The following PKD1 variants were observed in gnomAD, a reference collection of about 807,000 sequenced individuals.
PKD1 encodes polycystin 1, transient receptor potential channel interacting, also known as polycystin-1.
PKD1 carries 81 observed loss-of-function variants against 361.7 expected under a neutral mutation model. That is an observed-to-expected ratio of 0.22 (90% CI 0.19 to 0.27). PKD1 has a LOEUF of 0.27. PKD1 is among the 10% of genes least tolerant of loss of function. The pLI is 1.00. For missense variants in PKD1, 6,399 were observed against 6,118.3 expected (o/e 1.05, Z -1.53); for synonymous variants, 3,615 against 2,818.3 (o/e 1.28, Z -8.95).
In PKD1 at chr16:2,116,879, G is replaced by A; in HGVS notation, c.1560C>T (p.Asp520=). ...CGTAGCTGTGCGGCGCTGAGCACAG[G>A]TCGGTGTTACACCACCCGGTGGGCC... ...RLGPTGWCNT[D]LCSAPHSYVC... is the part of the protein sequence containing the mutation. The change falls in exon 7 of 46, where the codon GAC becomes GAT. Residue 520 remains aspartate (D), a synonymous_variant. Coordinates refer to ENST00000262304, the MANE Select transcript of PKD1 (RefSeq NM_001009944.3). 2.0e-6 allele frequency: 3 copies of A among 1,533,130 alleles called. No individual in the cohort carries two copies. The highest frequency in any genetic ancestry group is 1.7e-6 in the Non-Finnish European group (2 of 1,144,126). The allele number at this position is 1,533,130 out of a possible 1,614,324, so 95.0% of individuals were successfully genotyped here. A position where few individuals can be genotyped will look rare whatever the true frequency, so the allele number is the denominator to read the frequency against.
intron 34 of PKD1, 121 bp from the exon 35 acceptor site, chr16:2,094,331 A>C: frequency 1.4e-6 from 1 of 718,848 alleles, no homozygotes; most frequent in Non-Finnish European, 2.5e-6. Flanking sequence ...CCCCCGACAA[A>C]AAGCCGGAAG....
In PKD1 at chr16:2,105,987, C is replaced by T. The variant is rs773620699; in HGVS notation, c.7741G>A (p.Ala2581Thr). ...AITLPEPNGSATGLTVWLHGL... is the reference protein window; with the variant it reads ...AITLPEPNGSTTGLTVWLHGL... ...TGCAGCCAGACTGTGAGCCCCGTTG[C>T]GCTGCCGTTGGGCTCTGGGAGGGTG... The change falls in exon 20 of 46, where the codon GCA becomes ACA. Residue 2581 changes from alanine (A) to threonine (T), a missense_variant. By Grantham distance (58) the Ala-to-Thr change is moderately conservative. Transcript: ENST00000262304. 8.7e-6 allele frequency: 14 copies of T among 1,603,224 alleles called. No homozygotes were observed. Among genetic ancestry groups the T allele is most frequent in the Middle Eastern group, 2.2e-4 (1 of 4,450 alleles).
intron 1 of PKD1, among the ~76,000 whole-genome samples, chr16:2,128,853 C>G (rs1451534504): frequency 6.6e-6 from 1 of 151,960 alleles, no homozygotes; most frequent in Non-Finnish European, 1.5e-5. Context: ...TACAGGCATG[C>G]GCCACCACGC....
rs2091250527 is a variant in PKD1 at position 2,088,757 on chromosome 16, T to C, written c.*970A>G. 3 of 1,157,956 alleles carry C rather than the reference T, an allele frequency of 2.6e-6. No individual in the cohort carries two copies. Among genetic ancestry groups the C allele is most frequent in the South Asian group, 3.0e-5 (2 of 65,694 alleles). The allele number at this position is 1,157,956 out of a possible 1,614,324, so 71.7% of individuals were successfully genotyped here. ...GACTTTGTCTGCTTGGTGCGGGGGT[T>C]GGGGGGGTGTCGAGGCTCTAGAAGC... On this transcript the variant is annotated 3_prime_UTR_variant, in exon 46 of 46. Transcript: ENST00000262304.
rs760890256 is a variant in PKD1, at chr16:2,090,409, C to G, written c.12320G>C (p.Arg4107Pro). ...TCCACGCAAGGCGTGGTAGCGCCAG[C>G]GGAGAATAACAGCCCCCAGCCGTAG... Reference protein sequence around the residue: ...GALRLGAVILRWRYHALRGEL... With the variant: ...GALRLGAVILPWRYHALRGEL... Residue 4107 changes from arginine to proline, a missense_variant, in exon 45 of 46, where the codon CGC becomes CCC. Physicochemically the swap from Arg to Pro is moderately radical, Grantham distance 103. Transcript: ENST00000262304. 1.2e-6 allele frequency: 2 copies of G among 1,612,650 alleles called. No individual in the cohort carries two copies. Among genetic ancestry groups the G allele is most frequent in the South Asian group, 1.1e-5 (1 of 91,088 alleles).
At chr16:2,113,792 C>T (rs1390476623) in intron 11 of PKD1, 8 of 397,090 alleles carry the variant, frequency 2.0e-5, no homozygotes, top group South Asian at 7.1e-5. Context: ...ATGGTGGCAC[C>T]GCGGGCAGCC....
In PKD1 at chr16:2,109,061, A is replaced by G. The variant is rs570148268; in HGVS notation, c.6106T>C (p.Leu2036=). The G allele has an allele frequency of 1.4e-5, 22 of 1,606,940 alleles. No individual in the cohort carries two copies. The South Asian group carries it at 2.3e-4, about 17-fold the overall frequency. ...VTYTPVAAGL[L]EIQVRAFNAL... ...TTGAAGGCGCGCACCTGGATCTCCA[A>G]CAGCCCCGCGGCCACGGGCGTGTAG... The change falls in exon 15 of 46, where the codon TTG becomes CTG. Residue 2036 remains leucine, a synonymous_variant. Transcript: ENST00000262304.
At chr16:2,121,602 C>G (rs1224620502) in intron 1 of PKD1, among the ~76,000 whole-genome samples, 3 of 152,086 alleles carry the variant, frequency 2.0e-5, no homozygotes, top group Non-Finnish European at 4.4e-5. Flanking sequence ...GGTCCTGGAG[C>G]TGGTGATGCG....
In PKD1 at chr16:2,108,797, C is replaced by A. The variant is rs536737125; in HGVS notation, c.6370G>T (p.Val2124Leu). The change falls in exon 15 of 46, where the codon GTG (valine) becomes TTG (leucine). Residue 2124 changes from valine to leucine, a missense_variant. By Grantham distance (32) the Val-to-Leu change is conservative (BLOSUM62 1). Coordinates refer to ENST00000262304, the MANE Select transcript of PKD1 (RefSeq NM_001009944.3). ...YLRPGDYRVQVNASNLVSFFV... is the reference protein window; with the variant it reads ...YLRPGDYRVQLNASNLVSFFV... ...AAGCTCACCAGGTTGGAGGCGTTCA[C>A]CTGCACGCGGTAGTCCCCAGGCCTC... The A allele has an allele frequency of 2.5e-6, 4 of 1,569,178 alleles. No individual in the cohort carries two copies. Among genetic ancestry groups the A allele is most frequent in the Admixed American group, 3.6e-5 (2 of 54,878 alleles).
At chr16:2,095,660 G>C (rs2091815964) in intron 34 of PKD1, among the ~76,000 whole-genome samples, 2 of 152,228 alleles carry the variant, frequency 1.3e-5, no homozygotes, top group Admixed American at 1.3e-4. Flanking sequence ...GCTGCAGTGA[G>C]GAAGGACGCA....
chr16:2,129,971 G>T (rs1359541477), intron 1 of PKD1, among the ~76,000 whole-genome samples: 3 of 152,156 alleles, frequency 2.0e-5, no homozygotes, highest in Non-Finnish European at 4.4e-5. Flanking sequence ...CTCTGCAGTG[G>T]GAGCTCGGGT....
chr16:2,100,841 T>G lies in PKD1; in HGVS notation c.9398-275A>C. ...ACGCCTCAGTCCACACCACAACCAG[T>G]GACCCGCACTGCACACCTGTCCACG... On this transcript the variant is annotated intron_variant, in intron 26 of 45. Coordinates refer to ENST00000262304, the MANE Select transcript of PKD1 (RefSeq NM_001009944.3). This position sits in a 1 kb window ranked among gnomAD's most constrained non-coding sequence, Gnocchi z 4.4. 1.9e-6 allele frequency: 1 copy of G among 515,868 alleles called. No individual in the cohort carries two copies. Among genetic ancestry groups the G allele is most frequent in the East Asian group, 3.5e-5 (1 of 28,584 alleles). The allele number at this position is 515,868 out of a possible 1,614,324, so 32.0% of individuals were successfully genotyped here.
intron 1 of PKD1, among the ~76,000 whole-genome samples, chr16:2,125,523 CG>C (rs57880576): frequency 0.21 from 31,727 of 152,116 alleles, 3,758 homozygotes; most frequent in African/African-American, 0.31. Context: ...CAGGTCCTCC[CG>C]GGACCCACAG....
rs1259894946 is a variant in PKD1, at chr16:2,092,131, A to G, written c.11327T>C (p.Phe3776Ser). ...RVHTCSAAGG[F>S]STSDYDVGWE... ...GCCAACGTCGTAATCGCTGGTGCTG[A>G]AGCCTCCTGCGGCCGAGCACGTGTG... The change falls in exon 40 of 46, where the codon TTC becomes TCC. Residue 3776 changes from phenylalanine to serine, a missense_variant. By Grantham distance (155) the Phe-to-Ser change is radical. Transcript: ENST00000262304. 6.2e-7 allele frequency: 1 copy of G among 1,612,748 alleles called. No homozygotes were observed. The highest frequency in any genetic ancestry group is 1.7e-5 in the Admixed American group (1 of 60,022).
Position 2,089,712 on chromosome 16 carries a change from C to G in PKD1, c.*15G>C. 6.4e-7 allele frequency: 1 copy of G among 1,566,414 alleles called. No homozygotes were observed. The highest frequency in any genetic ancestry group is 2.3e-5 in the East Asian group (1 of 42,988). On this transcript the variant is annotated 3_prime_UTR_variant, in exon 46 of 46. Coordinates refer to ENST00000262304, the MANE Select transcript of PKD1 (RefSeq NM_001009944.3). ...CCACTCCGACTCCACGGCCCACCCC[C>G]GCCAGGAAGGAGGACTAAGTGCTGC...
rs779516086 is a variant in PKD1 at position 2,104,603 on chromosome 16, G to C, written c.8056C>G (p.Gln2686Glu). The C allele has an allele frequency of 3.8e-6, 6 of 1,593,028 alleles. No homozygotes were observed. Among genetic ancestry groups the C allele is most frequent in the Non-Finnish European group, 5.1e-6 (6 of 1,170,302 alleles). The change falls in exon 22 of 46, where the codon CAG (glutamine) becomes GAG (glutamate). Residue 2686 changes from glutamine (Q) to glutamate (E), a missense_variant. Coordinates refer to ENST00000262304, the MANE Select transcript of PKD1 (RefSeq NM_001009944.3). The stretch of plus-strand genomic sequence containing the variant: ...ATGGCCTCCAGCTTGTGCAGCGTCT[G>C]CTTCAGGCACGAGCGGCATACGAGC... ...RELVCRSCLK[Q>E]TLHKLEAMML...
At chr16:2,120,110 A>G in intron 1 of PKD1, 1 of 553,482 alleles carries the variant, frequency 1.8e-6, no homozygotes, top group Non-Finnish European at 3.2e-6. Context: ...CTCGGGAGGT[A>G]GAGGAGAGAA....
In PKD1 at chr16:2,097,307, A is replaced by T; in HGVS notation, c.10405+12T>A. The T allele has an allele frequency of 6.2e-7, 1 of 1,612,312 alleles. No individual in the cohort carries two copies. The highest frequency in any genetic ancestry group is 8.5e-7 in the Non-Finnish European group (1 of 1,179,736). On this transcript the variant is annotated intron_variant, in intron 33 of 45. Coordinates refer to ENST00000262304, the MANE Select transcript of PKD1 (RefSeq NM_001009944.3). ...GTGAGCTTCAGAGCCCCCTCCTCTC[A>T]CCCCAGCTCACCTGATGCTGAGAAG...
At position 2,109,371 on chromosome 16, in the gene PKD1, G is replaced by T. The variant is rs751986134; in HGVS notation, c.5796C>A (p.Pro1932=). The T allele has an allele frequency of 1.9e-5, 30 of 1,593,502 alleles. No homozygotes were observed. The South Asian group carries it at 2.9e-4, about 15-fold the overall frequency. Reference sequence around the variant, plus strand: ...GGAAGCTGTGGGAGAAACGGGGCCCGGGGAGCACCTCGGGGTTGGCCCCGC... The same window carrying T: ...GGAAGCTGTGGGAGAAACGGGGCCCTGGGAGCACCTCGGGGTTGGCCCCGC... ...QVGGANPEVL[P]GPRFSHSFPR... The change falls in exon 15 of 46, where the codon CCC becomes CCA. Residue 1932 remains proline, a synonymous_variant. Coordinates refer to ENST00000262304, the MANE Select transcript of PKD1 (RefSeq NM_001009944.3).
Sources: gnomAD v4.1 joint callset for allele counts (sites outside exome capture counted in the v4.1 genomes callset) on GRCh38, gnomAD v4.1.1 for gene constraint, Gnocchi (gnomAD v3.1) non-coding constraint, MANE v1.5 for transcripts, NCBI Gene and HGNC (gene_info 2026-07-23, HGNC 2026-07-21) for gene names.